The following DOCK8 variants were observed in gnomAD, a reference collection of about 807,000 sequenced individuals.
DOCK8 encodes the protein dedicator of cytokinesis protein 8.
DOCK8 carries 141 observed loss-of-function variants against 245.6 expected under a neutral mutation model. The ratio of observed to expected loss-of-function variants is 0.57; its 90% confidence interval spans 0.50 to 0.66. The LOEUF is 0.66. Among genes scored for constraint, DOCK8 ranks in the 30% least tolerant of loss-of-function variants. The pLI is 0.00. For synonymous variants in DOCK8, 1,168 were observed against 970.2 expected (o/e 1.20, Z -3.79); for missense variants, 2,965 against 2,603.4 (o/e 1.14, Z -3.02).
At chr9:429,667 A>G in intron 35 of DOCK8, 35 bp from the exon 36 acceptor site, 2 of 1,613,880 alleles carry the variant, frequency 1.2e-6, no homozygotes, top group Non-Finnish European at 1.7e-6. Flanking sequence ...TCAAACTGCC[A>G]AGTGATGCCT....
chr9:418,062 T>C lies in DOCK8; in HGVS notation c.3701-6T>C, dbSNP rs775843228. 5.6e-6 allele frequency: 9 copies of C among 1,614,212 alleles called. No homozygotes were observed. The Admixed American group carries it at 1.3e-4, about 24-fold the overall frequency. On this transcript the variant is annotated splice_polypyrimidine_tract_variant and splice_region_variant and intron_variant, in intron 29 of 47. Transcript: ENST00000432829. The stretch of plus-strand genomic sequence containing the variant: ...CTTGACATCACAAACGATGTTTTCA[T>C]TGCAGTTGCAGATACTCGCAGATAC...
At chr9:424,674 T>G (rs1360209624) in intron 33 of DOCK8, among the ~76,000 whole-genome samples, 1 of 152,160 alleles carries the variant, frequency 6.6e-6, no homozygotes, top group African/African-American at 2.4e-5. Context: ...CCTCCCAAAG[T>G]GGTGGGATTA....
In DOCK8 at chr9:353,243, A is replaced by G. The variant is rs188578078; in HGVS notation, c.1679+12922A>G. On this transcript the variant is annotated intron_variant, in intron 14 of 47. Transcript: ENST00000432829. ...CTCAGACAAGTCCTCTCTCTTGCCA[A>G]GTGCCTAAAGCAAGGATATGTTTAT... is the stretch of plus-strand genomic sequence containing the variant. 1.4e-4 allele frequency among the ~76,000 whole-genome samples: 21 copies of G among 150,764 alleles called. No homozygotes were observed. In the East Asian group the frequency reaches 3.4e-3, roughly 24 times the overall value.
In DOCK8 at chr9:400,892, ACCTCCC is replaced by A. The variant is rs1564016178; in HGVS notation, c.3234+1636_3234+1641del. Among the ~76,000 whole-genome samples, 5 of 87,074 alleles carry A rather than the reference ACCTCCC, an allele frequency of 5.7e-5. 1 individual carries two copies. The highest frequency in any genetic ancestry group is 1.0e-4 in the Non-Finnish European group (5 of 47,876). The allele number at this position is 87,074 out of a possible 152,430, so 57.1% of individuals were successfully genotyped here. A position where few individuals can be genotyped will look rare whatever the true frequency, so the allele number is the denominator to read the frequency against. ...CATCACCACCACCTCCACCACCACC[ACCTCCC>A]CCACTACCAACAGCTCCTTCACCAT... is the stretch of plus-strand genomic sequence containing the variant. On this transcript the variant is annotated intron_variant, in intron 26 of 47. Transcript: ENST00000432829.
intron 29 of DOCK8, among the ~76,000 whole-genome samples, chr9:417,509 G>T (rs949883335): frequency 6.6e-6 from 1 of 152,150 alleles, no homozygotes; most frequent in African/African-American, 2.4e-5. Flanking sequence ...AATAGTTTTT[G>T]ATTGTATACT....
At chr9:376,332 A>G (rs770171058) in intron 19 of DOCK8, 27 bp downstream of exon 19, 1 of 1,510,284 alleles carries the variant, frequency 6.6e-7, no homozygotes, top group Admixed American at 1.7e-5. Context: ...TTAATCATGA[A>G]GGTAAAGGTG....
intron 1 of DOCK8, among the ~76,000 whole-genome samples, chr9:229,952 A>T (rs914186292): frequency 6.6e-6 from 1 of 151,524 alleles, no homozygotes; most frequent in Non-Finnish European, 1.5e-5. Flanking sequence ...TGTGCACAAC[A>T]TGCAGGTTTG....
intron 9 of DOCK8, among the ~76,000 whole-genome samples, chr9:330,209 T>A (rs928941064): frequency 2.6e-5 from 4 of 152,218 alleles, no homozygotes; most frequent in Non-Finnish European, 4.4e-5. Flanking sequence ...AATTTTTTTT[T>A]AAAAAGAATT....
intron 1 of DOCK8, among the ~76,000 whole-genome samples, chr9:267,047 A>G (rs2048050363): frequency 6.6e-6 from 1 of 152,288 alleles, no homozygotes; most frequent in African/African-American, 2.4e-5. Flanking sequence ...GGACCAGGGT[A>G]GAGATGAAGA....
chr9:276,143 G>A (rs373733768), intron 2 of DOCK8, among the ~76,000 whole-genome samples: 8 of 152,058 alleles, frequency 5.3e-5, no homozygotes, highest in African/African-American at 1.9e-4. Flanking sequence ...CGCCCGCCTC[G>A]GCCTCCCAAA....
chr9:429,959 C>T, intron 36 of DOCK8, 105 bp downstream of exon 36: 1 of 1,382,402 alleles, frequency 7.2e-7, no homozygotes, highest in East Asian at 2.5e-5. Context: ...TTGCAGTTTA[C>T]TTCTGTCCTG....
At chr9:391,152 T>G (rs1029581943) in intron 24 of DOCK8, among the ~76,000 whole-genome samples, 2 of 152,108 alleles carry the variant, frequency 1.3e-5, no homozygotes, top group African/African-American at 4.8e-5. Context: ...GCTCCCTAAC[T>G]TTCACCTCCG....
At chr9:347,690 A>G (rs2051967437) in intron 14 of DOCK8, among the ~76,000 whole-genome samples, 1 of 152,208 alleles carries the variant, frequency 6.6e-6, no homozygotes, top group Non-Finnish European at 1.5e-5. Flanking sequence ...GAACGGAGAC[A>G]AAGACAAAGT....
intron 1 of DOCK8, among the ~76,000 whole-genome samples, chr9:226,041 A>G (rs2046982164): frequency 6.6e-6 from 1 of 152,206 alleles, no homozygotes; most frequent in South Asian, 2.1e-4. Flanking sequence ...TTCAAAGTGC[A>G]ATGGTGTATT....
At chr9:241,988 G>C (rs1379522954) in intron 1 of DOCK8, among the ~76,000 whole-genome samples, 1 of 152,172 alleles carries the variant, frequency 6.6e-6, no homozygotes, top group East Asian at 1.9e-4. Context: ...TCTCCACAAA[G>C]AAGAGCAGCT....
upstream of DOCK8, chr9:214,265 C>T (rs2046679891): frequency 6.0e-6 from 3 of 499,162 alleles, no homozygotes; most frequent in South Asian, 7.4e-5. Flanking sequence ...ATCGCAAGAA[C>T]GCCGCCTTCA....
chr9:448,345 C>T (rs1263420054), intron 44 of DOCK8, among the ~76,000 whole-genome samples: 1 of 152,178 alleles, frequency 6.6e-6, no homozygotes, highest in Non-Finnish European at 1.5e-5. Flanking sequence ...TGGCCTCAAA[C>T]GATCCTCCTA....
At position 247,467 on chromosome 9, in the gene DOCK8, A is replaced by T. The variant is rs12351361; in HGVS notation, c.54-24160A>T. Among the ~76,000 whole-genome samples, 929 of 152,218 alleles carry T rather than the reference A, an allele frequency of 6.1e-3. 5 individuals carry two copies. The highest frequency in any genetic ancestry group is 0.02 in the African/African-American group (839 of 41,526). ...TTAAATATTCAAACTAGTTTTTTTT[A>T]AAATAATGCCAAGTACACTTAGTGC... On this transcript the variant is annotated intron_variant, in intron 1 of 47. Coordinates refer to ENST00000432829, the MANE Select transcript of DOCK8 (RefSeq NM_203447.4).
At chr9:383,301 G>A (rs543428079) in intron 22 of DOCK8, among the ~76,000 whole-genome samples, 5 of 152,156 alleles carry the variant, frequency 3.3e-5, no homozygotes, top group Admixed American at 6.6e-5. Context: ...TTGGGAGGCC[G>A]AGGTGGGTGG....
Sources: gnomAD v4.1 joint callset for allele counts (sites outside exome capture counted in the v4.1 genomes callset) on GRCh38, gnomAD v4.1.1 for gene constraint, MANE v1.5 for transcripts, NCBI Gene and HGNC (gene_info 2026-07-23, HGNC 2026-07-21) for gene names.